The following TBC1D5 variants were observed in gnomAD, a reference collection of about 807,000 sequenced individuals.
TBC1D5 encodes TBC1 domain family, member 5.
A neutral mutation model predicts 100.3 loss-of-function variants in TBC1D5; 75 were observed. The observed-to-expected ratio is 0.75, with a 90% CI of 0.62 to 0.91. TBC1D5 has a LOEUF of 0.91. TBC1D5 is among the 40% of genes least tolerant of loss of function. The probability of loss-of-function intolerance (pLI) is 0.00; values close to 1 mark genes in which losing one functional copy is unlikely to be tolerated. For missense variants in TBC1D5, 910 were observed against 942.4 expected, an observed-to-expected ratio of 0.97 and a Z score of 0.45; for synonymous variants, 323 against 325.6, an observed-to-expected ratio of 0.99 and a Z score of 0.09.
chr3:17,230,388 T>A (rs2075311534), intron 17 of TBC1D5, among the ~76,000 whole-genome samples: 1 of 152,162 alleles, frequency 6.6e-6, no homozygotes, highest in Non-Finnish European at 1.5e-5. Context: ...ATATATATTT[T>A]TTTCTCCTGG....
chr3:17,277,472 G>A (rs989691743), intron 15 of TBC1D5, among the ~76,000 whole-genome samples: 19 of 152,004 alleles, frequency 1.2e-4, no homozygotes, highest in African/African-American at 3.9e-4. Context: ...CATCAATCTC[G>A]TTGGGCTTTA....
intron 13 of TBC1D5, among the ~76,000 whole-genome samples, chr3:17,350,169 C>T: frequency 6.6e-6 from 1 of 152,040 alleles, no homozygotes; most frequent in Non-Finnish European, 1.5e-5. Flanking sequence ...GCTTAGCATG[C>T]TCACACTGGT....
intron 2 of TBC1D5, among the ~76,000 whole-genome samples, chr3:17,597,952 T>C (rs780507957): frequency 3.9e-5 from 6 of 152,168 alleles, no homozygotes; most frequent in Non-Finnish European, 8.8e-5. Context: ...AAGCTCTGGA[T>C]ACCAAGTTCA....
At chr3:17,296,801 C>A (rs889985146) in intron 14 of TBC1D5, among the ~76,000 whole-genome samples, 7 of 152,198 alleles carry the variant, frequency 4.6e-5, no homozygotes, top group African/African-American at 1.7e-4. Context: ...CTTGGATACT[C>A]TTTGGTAAGT....
chr3:17,495,005 G>A (rs928716265), intron 3 of TBC1D5, among the ~76,000 whole-genome samples: 1 of 152,210 alleles, frequency 6.6e-6, no homozygotes, highest in African/African-American at 2.4e-5. Context: ...TCCCCTGGCT[G>A]GGGATGGGAG....
intron 3 of TBC1D5, among the ~76,000 whole-genome samples, chr3:17,431,427 T>C (rs2094445916): frequency 6.6e-6 from 1 of 151,998 alleles, no homozygotes; most frequent in Admixed American, 6.6e-5. Context: ...TATTTCAATA[T>C]CTAATGTAAA....
At chr3:17,563,628 G>C (rs529257892) in intron 2 of TBC1D5, among the ~76,000 whole-genome samples, 78 of 152,160 alleles carry the variant, frequency 5.1e-4, no homozygotes, top group Non-Finnish European at 8.7e-4. Context: ...AGTATCTTTA[G>C]AAAGGGCTTA....
intron 2 of TBC1D5, among the ~76,000 whole-genome samples, chr3:17,623,143 G>A (rs2062797670): frequency 6.6e-6 from 1 of 152,058 alleles, no homozygotes; most frequent in East Asian, 1.9e-4. Flanking sequence ...CTGAATTATG[G>A]CAGTGCTTCT....
At chr3:17,212,588 T>C (rs912119276) in intron 18 of TBC1D5, among the ~76,000 whole-genome samples, 1 of 151,718 alleles carries the variant, frequency 6.6e-6, no homozygotes, top group African/African-American at 2.4e-5. Context: ...ACCACAGGAG[T>C]GATAGCTCTA....
Position 17,598,522 on chromosome 3 carries a change from T to A in TBC1D5, c.-36+25327A>T, listed in dbSNP as rs184392167. Among the ~76,000 whole-genome samples the A allele has an allele frequency of 1.4e-3, 210 of 152,322 alleles. 1 individual carries two copies. Among genetic ancestry groups the A allele is most frequent in the Admixed American group, 2.2e-3 (33 of 15,304 alleles). On this transcript the variant is annotated intron_variant, in intron 2 of 21. Transcript: ENST00000253692. The stretch of plus-strand genomic sequence containing the variant: ...ACATTTGTTTCAGAGTTCTTTTTTT[T>A]AAATCTATTCCCTTTTTATAATATC...
rs185913605 is a variant in TBC1D5, at chr3:17,275,081, A to G, written c.1246-16490T>C. Among the ~76,000 whole-genome samples, 6 of 149,404 alleles carry G rather than the reference A, an allele frequency of 4.0e-5. No individual in the cohort carries two copies. In the East Asian group the frequency reaches 1.2e-3, roughly 29 times the overall value. On this transcript the variant is annotated intron_variant, in intron 15 of 21. Coordinates refer to ENST00000253692, the Ensembl canonical transcript of TBC1D5. The stretch of plus-strand genomic sequence containing the variant: ...AGATGTTAAAGTGTCAGTATCCCTA[A>G]CAAGGTGAGTGAGGGGAGGAAACAA...
intron 1 of TBC1D5, among the ~76,000 whole-genome samples, chr3:17,731,818 T>C (rs1168206239): frequency 2.0e-5 from 3 of 151,948 alleles, no homozygotes; most frequent in African/African-American, 7.3e-5. Flanking sequence ...ACTAGGGAGA[T>C]GGTAGTGCTG....
At chr3:17,285,417 C>T (rs867605077) in intron 15 of TBC1D5, among the ~76,000 whole-genome samples, 5 of 151,168 alleles carry the variant, frequency 3.3e-5, no homozygotes, top group South Asian at 4.2e-4. Context: ...CCCGCTACCA[C>T]GCCCGGCTAA....
At chr3:17,420,526 A>T (rs1463391386) in intron 4 of TBC1D5, among the ~76,000 whole-genome samples, 82 of 152,310 alleles carry the variant, frequency 5.4e-4, no homozygotes, top group Admixed American at 6.5e-5. Flanking sequence ...AATAAGCAAG[A>T]TATTGGTGAA....
intron 1 of TBC1D5, among the ~76,000 whole-genome samples, chr3:17,691,112 G>A (rs961906903): frequency 2.0e-5 from 3 of 152,126 alleles, no homozygotes; most frequent in African/African-American, 7.2e-5. Flanking sequence ...GGCTGCACAA[G>A]GCTTAGGAAA....
intron 1 of TBC1D5, among the ~76,000 whole-genome samples, chr3:17,715,204 T>C (rs1275563527): frequency 6.6e-6 from 1 of 152,232 alleles, no homozygotes; most frequent in Non-Finnish European, 1.5e-5. Flanking sequence ...ATACTGGGCA[T>C]TGATCTCAAG....
At chr3:17,587,130 AT>A (rs948332748) in intron 2 of TBC1D5, among the ~76,000 whole-genome samples, 7 of 151,868 alleles carry the variant, frequency 4.6e-5, no homozygotes, top group East Asian at 1.9e-4. Context: ...CTAAAGAAAA[AT>A]TTTTTTTCAT....
chr3:17,588,496 A>G (rs981435081), intron 2 of TBC1D5, among the ~76,000 whole-genome samples: 1 of 152,176 alleles, frequency 6.6e-6, no homozygotes, highest in Admixed American at 6.5e-5. Context: ...TTGTCAGTGT[A>G]TAAGTTACTG....
intron 2 of TBC1D5, among the ~76,000 whole-genome samples, chr3:17,548,397 C>T (rs1241709064): frequency 6.6e-6 from 1 of 152,086 alleles, no homozygotes. Context: ...TATGAAAATA[C>T]TTCCAAAGTT....
Sources: allele counts gnomAD v4.1 joint callset (sites outside exome capture counted in the v4.1 genomes callset), GRCh38; gene constraint gnomAD v4.1.1; transcripts MANE v1.5; gene names NCBI Gene and HGNC (gene_info 2026-07-23, HGNC 2026-07-21).